Variants in TXLNB observed in about 807,000 individuals in gnomAD.
The protein encoded by TXLNB is beta-taxilin.
Under a neutral mutation model 57.4 loss-of-function variants are expected in TXLNB, and 37 were observed. The ratio of observed to expected loss-of-function variants is 0.64; its 90% CI spans 0.50 to 0.85. The LOEUF is 0.85. Ranked by LOEUF, TXLNB falls within the 40% of genes least tolerant of loss-of-function variation. TXLNB has a pLI of 0.00. For missense variants in TXLNB, 848 were observed against 825.6 expected (o/e 1.03, Z -0.33); for synonymous variants, 302 against 309.6 (o/e 0.98, Z 0.26).
At chr6:139,316,893 A>G in the TXLNB span, among the ~76,000 whole-genome samples, 1 of 152,208 alleles carries the variant, frequency 6.6e-6, no homozygotes, top group South Asian at 2.1e-4. Context: ...AAGGCTCACA[A>G]GGCTGGGGAG....
chr6:139,312,447 A>G, the TXLNB span, among the ~76,000 whole-genome samples: 28 of 152,236 alleles, frequency 1.8e-4, no homozygotes, highest in Non-Finnish European at 3.7e-4. Flanking sequence ...TCTGAAGTTA[A>G]GTGGAGATTA....
In TXLNB at chr6:139,259,957, T is replaced by A. The variant is rs146042858; in HGVS notation, c.1002+361A>T. On this transcript the variant is annotated intron_variant, in intron 6 of 9. Transcript: ENST00000358430. ...ACAACTTGCGTCCAGGCGCGATGGT[T>A]CACACCTGTAATCCCAGCACTTTGG... Among the ~76,000 whole-genome samples, 866 of 152,288 alleles carry A rather than the reference T, an allele frequency of 5.7e-3. 8 individuals carry two copies. Among genetic ancestry groups the A allele is most frequent in the African/African-American group, 0.018 (762 of 41,568 alleles).
chr6:139,275,482 T>C lies in TXLNB; in HGVS notation c.516+1348A>G, dbSNP rs12175066. Among the ~76,000 whole-genome samples the C allele has an allele frequency of 1.1e-3, 167 of 152,278 alleles. 2 individuals are homozygous for C. In the East Asian group the frequency reaches 0.031, roughly 28 times the overall value. On this transcript the variant is annotated intron_variant, in intron 3 of 9. Transcript: ENST00000358430. ...TGTATTTTACATGAGGGATTAGAGA[T>C]TTTTTGTTTATTTTGTGTATTCAGC...
the TXLNB span, among the ~76,000 whole-genome samples, chr6:139,232,661 G>A: frequency 6.6e-6 from 1 of 152,072 alleles, no homozygotes. Flanking sequence ...GATAATGCTG[G>A]TTATCATTTC....
At chr6:139,263,309 C>T (rs912329486) in intron 4 of TXLNB, among the ~76,000 whole-genome samples, 2 of 152,060 alleles carry the variant, frequency 1.3e-5, no homozygotes, top group African/African-American at 4.8e-5. Context: ...CATCAAAAAG[C>T]TTTAAAAAAG....
intron 4 of TXLNB, among the ~76,000 whole-genome samples, chr6:139,267,110 T>C (rs1481342495): frequency 6.6e-6 from 1 of 151,774 alleles, no homozygotes; most frequent in African/African-American, 2.4e-5. Flanking sequence ...ATTTGTACTA[T>C]AAGAAATACT....
chr6:139,282,546 C>A (rs1452970717), intron 2 of TXLNB, among the ~76,000 whole-genome samples: 1 of 145,414 alleles, frequency 6.9e-6, no homozygotes, highest in Admixed American at 6.8e-5. Flanking sequence ...CACTGTACTC[C>A]AGCCTGGGCA....
At chr6:139,323,716 G>A in the TXLNB span, among the ~76,000 whole-genome samples, 1 of 152,168 alleles carries the variant, frequency 6.6e-6, no homozygotes, top group South Asian at 2.1e-4. Context: ...GTCTTCTCTA[G>A]GCTTACTTAC....
At chr6:139,225,076 G>C in the TXLNB span, among the ~76,000 whole-genome samples, 1 of 152,014 alleles carries the variant, frequency 6.6e-6, no homozygotes, top group Admixed American at 6.6e-5. Context: ...TAACAGAAGA[G>C]AAAAATCATG....
the TXLNB span, chr6:139,167,028 C>T: frequency 2.5e-6 from 4 of 1,614,184 alleles, no homozygotes; most frequent in South Asian, 4.4e-5. Context: ...CACTTCGACA[C>T]CCCCGTGCAG....
the TXLNB span, among the ~76,000 whole-genome samples, chr6:139,297,320 G>T: frequency 6.6e-6 from 1 of 152,084 alleles, no homozygotes; most frequent in African/African-American, 2.4e-5. Flanking sequence ...CACTGTAGCA[G>T]TCCAGTAATG....
the TXLNB span, among the ~76,000 whole-genome samples, chr6:139,229,285 G>A: frequency 6.6e-6 from 1 of 151,894 alleles, no homozygotes; most frequent in African/African-American, 2.4e-5. Context: ...AGTTCTGTCA[G>A]GCTAATGAGC....
rs1777227112 is a variant in TXLNB at position 139,288,463 on chromosome 6, C to A, written c.424+13G>T. On this transcript the variant is annotated intron_variant, in intron 2 of 9. Transcript: ENST00000358430. ...CATACAGAAAAGTCACATATTTGAA[C>A]ATAACTACTTGCCTAATCCTTTTAG... The A allele has an allele frequency of 6.2e-7, 1 of 1,610,832 alleles. No individual in the cohort carries two copies.
the TXLNB span, among the ~76,000 whole-genome samples, chr6:139,314,514 T>C: frequency 6.6e-6 from 1 of 152,212 alleles, no homozygotes; most frequent in African/African-American, 2.4e-5. Context: ...CATGCACTGA[T>C]GGCTATCTTC....
chr6:139,209,938 G>A, the TXLNB span, among the ~76,000 whole-genome samples: 1 of 147,720 alleles, frequency 6.8e-6, no homozygotes, highest in Admixed American at 6.7e-5. Flanking sequence ...CCCACAGAAT[G>A]AGAGAAAATA....
chr6:139,291,834 G>A (rs1300154103), intron 1 of TXLNB, 87 bp downstream of exon 1: 2 of 152,072 alleles, frequency 1.3e-5, no homozygotes, highest in Admixed American at 1.3e-4. Flanking sequence ...ACAGTTCACT[G>A]GCAATCTCAA....
At chr6:139,274,944 A>C (rs1776856840) in intron 3 of TXLNB, among the ~76,000 whole-genome samples, 1 of 152,172 alleles carries the variant, frequency 6.6e-6, no homozygotes, top group Non-Finnish European at 1.5e-5. Flanking sequence ...TGGGGAGAAA[A>C]TATTATTTTT....
chr6:139,250,334 G>GT (rs1776169439), intron 7 of TXLNB, among the ~76,000 whole-genome samples: 1 of 141,716 alleles, frequency 7.1e-6, no homozygotes, highest in Non-Finnish European at 1.5e-5. Flanking sequence ...GTTCAACTGT[G>GT]TTTTTTCTTT....
intron 2 of TXLNB, among the ~76,000 whole-genome samples, chr6:139,280,868 G>A (rs955184089): frequency 6.6e-6 from 1 of 152,028 alleles, no homozygotes; most frequent in Non-Finnish European, 1.5e-5. Context: ...AATAGGATAT[G>A]ATTTCTAAAA....
Sources: allele counts gnomAD v4.1 joint callset (sites outside exome capture counted in the v4.1 genomes callset), GRCh38; gene constraint gnomAD v4.1.1; transcripts MANE v1.5; gene names NCBI Gene and HGNC (gene_info 2026-07-23, HGNC 2026-07-21).